Variants in HBB observed in about 807,000 individuals in gnomAD.
HBB encodes hemoglobin subunit beta.
Under a neutral mutation model 9.7 loss-of-function variants are expected in HBB, and 18 were observed. The observed-to-expected ratio is 1.86, with a 90% CI of 1.28 to 2.76. The LOEUF (loss-of-function observed/expected upper bound fraction) is 2.76. HBB is among the 30% of genes most tolerant of loss of function. HBB has a pLI of 0.00. For synonymous variants in HBB, 99 were observed against 73.6 expected (o/e 1.35, Z -1.77); for missense variants, 156 against 177.0 (o/e 0.88, Z 0.67).
At chr11:5,226,824 A>G in intron 1 of HBB, 25 bp from the exon 2 acceptor site, 1 of 1,607,386 alleles carries the variant, frequency 6.2e-7, no homozygotes, top group East Asian at 2.2e-5. Context: ...ATAGACCAAT[A>G]GGCAGAGAGA....
At position 5,226,643 on chromosome 11, in the gene HBB, C is replaced by T. The variant is rs33991993; in HGVS notation, c.249G>A (p.Lys83=). 3.1e-6 allele frequency: 5 copies of T among 1,614,152 alleles called. No homozygotes were observed. The South Asian group carries it at 3.3e-5, about 11-fold the overall frequency. Residue 83 remains lysine, a synonymous_variant, in exon 2 of 3, where the codon AAG becomes AAA. Coordinates refer to ENST00000335295, the MANE Select transcript of HBB (RefSeq NM_000518.5). ...SDGLAHLDNL[K]GTFATLSELH... ...GCTCACTCAGTGTGGCAAAGGTGCC[C>T]TTGAGGTTGTCCAGGTGAGCCAGGC...
chr11:5,226,684 C>T lies in HBB; in HGVS notation c.208G>A (p.Gly70Ser), dbSNP rs33947415. ...KVKAHGKKVL[G>S]AFSDGLAHLD... ...TGAGCCAGGCCATCACTAAAGGCAC[C>T]GAGCACTTTCTTGCCATGAGCCTTC... is the stretch of plus-strand genomic sequence containing the variant. Residue 70 changes from glycine (G) to serine (S), a missense_variant, in exon 2 of 3, where the codon GGT becomes AGT. By Grantham distance (56) the Gly-to-Ser change is moderately conservative. Coordinates refer to ENST00000335295, the MANE Select transcript of HBB (RefSeq NM_000518.5). 4.9e-4 allele frequency: 798 copies of T among 1,614,010 alleles called. 4 individuals carry two copies. Among genetic ancestry groups the T allele is most frequent in the African/African-American group, 3.5e-4 (26 of 74,996 alleles).
rs1297920360 is a variant in HBB, at chr11:5,226,120, C to T, written c.316-394G>A. 2 of 298,030 alleles carry T rather than the reference C, an allele frequency of 6.7e-6. No homozygotes were observed. Among genetic ancestry groups the T allele is most frequent in the Non-Finnish European group, 1.3e-5 (2 of 158,702 alleles). The allele number at this position is 298,030 out of a possible 1,614,324, so 18.5% of individuals were successfully genotyped here. A position where few individuals can be genotyped will look rare whatever the true frequency, so the allele number is the denominator to read the frequency against. Reference sequence around the variant, plus strand: ...CCCTGATTTGGTCAATATGTGTACACATATTAAAACATTACACTTTAACCC... The same window carrying T: ...CCCTGATTTGGTCAATATGTGTACATATATTAAAACATTACACTTTAACCC... On this transcript the variant is annotated intron_variant, in intron 2 of 2. Transcript: ENST00000335295.
rs35424040 is a variant in HBB, at chr11:5,226,940, C to A, written c.82G>T (p.Ala28Ser). 2.5e-6 allele frequency: 4 copies of A among 1,613,406 alleles called. No individual in the cohort carries two copies. The highest frequency in any genetic ancestry group is 2.7e-5 in the African/African-American group (2 of 74,908). ...AACCTTGATACCAACCTGCCCAGGG[C>A]CTCACCACCAACTTCATCCACGTTC... is the stretch of plus-strand genomic sequence containing the variant. ...KVNVDEVGGEALGRLLVVYPW... is the reference protein window; with the variant it reads ...KVNVDEVGGESLGRLLVVYPW... The change falls in exon 1 of 3, where the codon GCC (alanine) becomes TCC (serine). Residue 28 changes from alanine (A) to serine (S), a missense_variant. Physicochemically the swap from Ala to Ser is moderately conservative, Grantham distance 99 (BLOSUM62 1). Coordinates refer to ENST00000335295, the MANE Select transcript of HBB (RefSeq NM_000518.5).
At chr11:5,226,373 G>A (rs1847545951) in intron 2 of HBB, 2 of 616,398 alleles carry the variant, frequency 3.2e-6, no homozygotes, top group Non-Finnish European at 5.7e-6. Flanking sequence ...GAAAAAAAAA[G>A]AAAGCAAGAA....
rs33917394 is a variant in HBB, at chr11:5,225,699, G to T, written c.343C>A (p.Leu115Met). The change falls in exon 3 of 3, where the codon CTG (leucine) becomes ATG (methionine). Residue 115 changes from leucine to methionine, a missense_variant. By Grantham distance (15) the Leu-to-Met change is conservative (BLOSUM62 2). Coordinates refer to ENST00000335295, the MANE Select transcript of HBB (RefSeq NM_000518.5). ...RLLGNVLVCVLAHHFGKEFTP... is the reference protein window; with the variant it reads ...RLLGNVLVCVMAHHFGKEFTP... ...AATTCTTTGCCAAAGTGATGGGCCA[G>T]CACACAGACCAGCACGTTGCCCAGG... The T allele has an allele frequency of 3.7e-6, 6 of 1,614,070 alleles. No individual in the cohort carries two copies. In the East Asian group the frequency reaches 1.3e-4, roughly 36 times the overall value.
chr11:5,225,464 T>C lies in HBB; in HGVS notation c.*134A>G. ...ATTCAGAAATAATTTAAATACATCA[T>C]TGCAATGAAAATAAATGTTTTTTAT... On this transcript the variant is annotated 3_prime_UTR_variant, in exon 3 of 3. Coordinates refer to ENST00000335295, the MANE Select transcript of HBB (RefSeq NM_000518.5). 1.2e-6 allele frequency: 1 copy of C among 845,040 alleles called. No homozygotes were observed. The highest frequency in any genetic ancestry group is 1.4e-5 in the South Asian group (1 of 72,182). The allele number at this position is 845,040 out of a possible 1,614,324, so 52.3% of individuals were successfully genotyped here.
In HBB at chr11:5,226,512, C is replaced by T. The variant is rs1847548262; in HGVS notation, c.315+65G>A. ...CTGTACCCTGTTACTTATCCCCTTC[C>T]TATGACATGAACTTAACCATAGAAA... On this transcript the variant is annotated intron_variant, in intron 2 of 2. Coordinates refer to ENST00000335295, the MANE Select transcript of HBB (RefSeq NM_000518.5). The T allele has an allele frequency of 2.8e-6, 4 of 1,445,652 alleles. No individual in the cohort carries two copies. The highest frequency in any genetic ancestry group is 2.3e-5 in the East Asian group (1 of 44,064). 89.6% of individuals were successfully genotyped at this position (1,445,652 alleles called of 1,614,324 possible). A position where few individuals can be genotyped will look rare whatever the true frequency, so the allele number is the denominator to read the frequency against.
At position 5,226,200 on chromosome 11, in the gene HBB, G is replaced by A. The variant is rs182729393; in HGVS notation, c.315+377C>T. The stretch of plus-strand genomic sequence containing the variant: ...TAAAAATAAAAGAAAATAAAGTAGG[G>A]AGATTATGAATATGCAAATAAGCAC... On this transcript the variant is annotated intron_variant, in intron 2 of 2. Transcript: ENST00000335295. The A allele has an allele frequency of 7.2e-4, 247 of 344,706 alleles. 1 individual carries two copies. Among genetic ancestry groups the A allele is most frequent in the Non-Finnish European group, 9.4e-4 (179 of 190,650 alleles). The allele number at this position is 344,706 out of a possible 1,614,324, so 21.4% of individuals were successfully genotyped here.
rs375849787 is a variant in HBB, at chr11:5,226,369, AAAAG to A, written c.315+204_315+207del. The A allele has an allele frequency of 8.1e-5, 50 of 616,914 alleles. No individual in the cohort carries two copies. The highest frequency in any genetic ancestry group is 4.4e-4 in the Middle Eastern group (1 of 2,296). The allele number at this position is 616,914 out of a possible 1,614,324, so 38.2% of individuals were successfully genotyped here. ...TAGTAAAAATTGCGGAGAAGAAAAA[AAAAG>A]AAAGCAAGAATTAAACAAAAGAAAA... On this transcript the variant is annotated intron_variant, in intron 2 of 2. Transcript: ENST00000335295.
chr11:5,226,056 A>C (rs1554917679), intron 2 of HBB, among the ~76,000 whole-genome samples: 1 of 152,220 alleles, frequency 6.6e-6, no homozygotes, highest in Non-Finnish European at 1.5e-5. Flanking sequence ...AGTATATTAA[A>C]AGAAGAAAGC....
chr11:5,226,324 T>C lies in HBB; in HGVS notation c.315+253A>G, dbSNP rs1187547617. On this transcript the variant is annotated intron_variant, in intron 2 of 2. Transcript: ENST00000335295. Reference sequence around the variant, plus strand: ...AGATATTTCCTTTTGTTATACACAATGTTAAGGCATTAAGTATAATAGTAA... The same window carrying C: ...AGATATTTCCTTTTGTTATACACAACGTTAAGGCATTAAGTATAATAGTAA... The C allele has an allele frequency of 1.7e-6, 1 of 596,176 alleles. No homozygotes were observed. The highest frequency in any genetic ancestry group is 3.0e-6 in the Non-Finnish European group (1 of 338,114). 36.9% of individuals were successfully genotyped at this position (596,176 alleles called of 1,614,324 possible). A position where few individuals can be genotyped will look rare whatever the true frequency, so the allele number is the denominator to read the frequency against.
chr11:5,226,228 A>C, intron 2 of HBB: 1 of 427,346 alleles, frequency 2.3e-6, no homozygotes, highest in East Asian at 4.3e-5. Flanking sequence ...ATAAGCACAC[A>C]TATATTCCAA....
rs1847577579 is a variant in HBB at position 5,226,895 on chromosome 11, T to C, written c.92+35A>G. On this transcript the variant is annotated intron_variant, in intron 1 of 2. Coordinates refer to ENST00000335295, the MANE Select transcript of HBB (RefSeq NM_000518.5). The stretch of plus-strand genomic sequence containing the variant: ...TCTCCACATGCCCAGTTTCTATTGG[T>C]CTCCTTAAACCTGTCTTGTAACCTT... 1 of 1,597,258 alleles carries C rather than the reference T, an allele frequency of 6.3e-7. No homozygotes were observed. The highest frequency in any genetic ancestry group is 1.1e-5 in the South Asian group (1 of 90,786).
In HBB at chr11:5,226,730, A is replaced by G; in HGVS notation, c.162T>C (p.Ala54=). The G allele has an allele frequency of 6.2e-7, 1 of 1,614,192 alleles. No homozygotes were observed. The highest frequency in any genetic ancestry group is 8.5e-7 in the Non-Finnish European group (1 of 1,180,022). The change falls in exon 2 of 3, where the codon GCT becomes GCC. Residue 54 remains alanine (A), a synonymous_variant. Coordinates refer to ENST00000335295, the MANE Select transcript of HBB (RefSeq NM_000518.5). ...CCTTCACCTTAGGGTTGCCCATAAC[A>G]GCATCAGGAGTGGACAGATCCCCAA... The part of the protein sequence containing the change: ...ESFGDLSTPD[A]VMGNPKVKAH...
At position 5,227,003 on chromosome 11, in the gene HBB, C is replaced by A. The variant is rs33930165; in HGVS notation, c.19G>T (p.Glu7Ter). The A allele has an allele frequency of 1.2e-6, 2 of 1,611,040 alleles. No individual in the cohort carries two copies. The highest frequency in any genetic ancestry group is 2.2e-5 in the South Asian group (2 of 91,042). Residue 7 changes from glutamate to a stop codon, truncating the protein, a stop_gained, in exon 1 of 3, where the codon GAG becomes TAG. Coordinates refer to ENST00000335295, the MANE Select transcript of HBB (RefSeq NM_000518.5). LOFTEE classifies it high-confidence loss of function. ...AGGGCAGTAACGGCAGACTTCTCCT[C>A]AGGAGTCAGATGCACCATGGTGTCT... The part of the protein sequence containing the change: MVHLTP[E>*]EKSAVTALWG...
rs33947020 is a variant in HBB at position 5,225,683 on chromosome 11, C to T, written c.359G>A (p.Gly120Asp). 7 of 1,614,012 alleles carry T rather than the reference C, an allele frequency of 4.3e-6. No individual in the cohort carries two copies. The Admixed American group carries it at 1.2e-4, about 27-fold the overall frequency. Reference protein sequence around the residue: ...VLVCVLAHHFGKEFTPPVQAA... With the variant: ...VLVCVLAHHFDKEFTPPVQAA... ...CTGCACTGGTGGGGTGAATTCTTTG[C>T]CAAAGTGATGGGCCAGCACACAGAC... The change falls in exon 3 of 3, where the codon GGC becomes GAC. Residue 120 changes from glycine to aspartate, a missense_variant. Physicochemically the swap from Gly to Asp is moderately conservative, Grantham distance 94. Coordinates refer to ENST00000335295, the MANE Select transcript of HBB (RefSeq NM_000518.5).
chr11:5,225,984 G>T lies in HBB; in HGVS notation c.316-258C>A, dbSNP rs1038541233. ...ATGGTGCAAAGAGGCATGATACATT[G>T]TATCATTATTGCCCTGAAAGAAAGA... On this transcript the variant is annotated intron_variant, in intron 2 of 2. Coordinates refer to ENST00000335295, the MANE Select transcript of HBB (RefSeq NM_000518.5). 6.6e-6 allele frequency among the ~76,000 whole-genome samples: 1 copy of T among 152,050 alleles called. No individual in the cohort carries two copies. Among genetic ancestry groups the T allele is most frequent in the Non-Finnish European group, 1.5e-5 (1 of 68,008 alleles).
At position 5,226,182 on chromosome 11, in the gene HBB, A is replaced by G. The variant is rs1334704243; in HGVS notation, c.315+395T>C. ...TAATGATTATGTATCAATTAAAAAT[A>G]AAAGAAAATAAAGTAGGGAGATTAT... On this transcript the variant is annotated intron_variant, in intron 2 of 2. Transcript: ENST00000335295. 3.1e-6 allele frequency: 1 copy of G among 319,216 alleles called. No homozygotes were observed. 19.8% of individuals were successfully genotyped at this position (319,216 alleles called of 1,614,324 possible). A position where few individuals can be genotyped will look rare whatever the true frequency, so the allele number is the denominator to read the frequency against.
Sources: gnomAD v4.1 joint callset for allele counts (sites outside exome capture counted in the v4.1 genomes callset) on GRCh38, gnomAD v4.1.1 for gene constraint, MANE v1.5 for transcripts, NCBI Gene and HGNC (gene_info 2026-07-23, HGNC 2026-07-21) for gene names.